RARS2: variants seen among roughly 807,000 people sequenced by gnomAD.
The protein encoded by RARS2 is arginyl-tRNA synthetase 2, mitochondrial, also known as probable arginine--tRNA ligase, mitochondrial.
In RARS2, 67 loss-of-function variants were observed where a neutral mutation model predicts 88.5. The observed-to-expected ratio is 0.76, with a 90% CI of 0.62 to 0.93. The LOEUF (loss-of-function observed/expected upper bound fraction) is 0.93. Ranked by LOEUF, RARS2 falls within the 40% of genes least tolerant of loss-of-function variation. The pLI, the probability that RARS2 is intolerant of heterozygous loss-of-function variation, is 0.00. For synonymous variants in RARS2, 239 were observed against 230.3 expected (o/e 1.04, Z -0.34); for missense variants, 664 against 684.2 (o/e 0.97, Z 0.33).
chr6:87,518,794 A>C (rs1344681625), intron 15 of RARS2, 30 bp downstream of exon 15: 1 of 1,612,300 alleles, frequency 6.2e-7, no homozygotes, highest in South Asian at 1.1e-5. Context: ...ACCAAACAAA[A>C]GGGCCTCACA....
At chr6:87,569,380 GTA>G in intron 2 of RARS2, 135 bp downstream of exon 2, 1 of 691,814 alleles carries the variant, frequency 1.4e-6, no homozygotes, top group Non-Finnish European at 2.6e-6. Context: ...AATAGGCTGA[GTA>G]TAATGAATCA....
chr6:87,551,013 A>G (rs1582602996), intron 5 of RARS2, among the ~76,000 whole-genome samples: 1 of 152,186 alleles, frequency 6.6e-6, no homozygotes, highest in East Asian at 1.9e-4. Flanking sequence ...AGGTATTTAT[A>G]ATGTCTGTTA....
intron 1 of RARS2, among the ~76,000 whole-genome samples, chr6:87,579,537 G>T (rs766498410): frequency 2.6e-5 from 4 of 152,008 alleles, no homozygotes; most frequent in Non-Finnish European, 5.9e-5. Context: ...CAAGTCTGCA[G>T]CTAGTGTTTA....
chr6:87,554,376 A>T (rs1387306371), intron 5 of RARS2, among the ~76,000 whole-genome samples: 1 of 150,068 alleles, frequency 6.7e-6, no homozygotes, highest in Non-Finnish European at 1.5e-5. Context: ...GGCACATCAA[A>T]ACTTCAAGCT....
At chr6:87,557,795 C>T (rs1284896981) in intron 4 of RARS2, among the ~76,000 whole-genome samples, 1 of 152,220 alleles carries the variant, frequency 6.6e-6, no homozygotes, top group East Asian at 1.9e-4. Context: ...CTTCCACCAT[C>T]TGCCCTTGAC....
In RARS2 at chr6:87,516,859, T is replaced by C; in HGVS notation, c.1533A>G (p.Lys511=). The change falls in exon 18 of 20, where the codon AAA becomes AAG. Residue 511 remains lysine, a synonymous_variant. Transcript: ENST00000369536. ...HLLRFDEVLY[K]SSQDFQPRHI... ...GCCTGGGTTGAAAGTCCTGAGATGATTTATAAAGCACCTCGTCGAACCTAA... is the reference window on the plus strand; with the variant it reads ...GCCTGGGTTGAAAGTCCTGAGATGACTTATAAAGCACCTCGTCGAACCTAA... The C allele has an allele frequency of 5.0e-6, 8 of 1,613,846 alleles. No individual in the cohort carries two copies. The highest frequency in any genetic ancestry group is 5.9e-6 in the Non-Finnish European group (7 of 1,179,852).
In RARS2 at chr6:87,551,602, C is replaced by T. The variant is rs138372737; in HGVS notation, c.396-2956G>A. On this transcript the variant is annotated intron_variant, in intron 5 of 19. Transcript: ENST00000369536. The stretch of plus-strand genomic sequence containing the variant: ...TCATGCCACTGCACTCCAGCCTGAG[C>T]GAGACAGCAAGACTCCGTCTCAACA... 5.2e-3 allele frequency among the ~76,000 whole-genome samples: 626 copies of T among 119,716 alleles called. 4 individuals are homozygous for T. Among genetic ancestry groups the T allele is most frequent in the Middle Eastern group, 0.015 (2 of 130 alleles). The allele number at this position is 119,716 out of a possible 152,430, so 78.5% of individuals were successfully genotyped here.
chr6:87,574,764 A>G (rs983350159), intron 1 of RARS2, among the ~76,000 whole-genome samples: 2 of 152,206 alleles, frequency 1.3e-5, no homozygotes, highest in South Asian at 4.1e-4. Flanking sequence ...ACTAAAAGAC[A>G]AGATGAAAAA....
chr6:87,524,603 T>G lies in RARS2; in HGVS notation c.928A>C (p.Ile310Leu). 1 of 1,613,740 alleles carries G rather than the reference T, an allele frequency of 6.2e-7. No individual in the cohort carries two copies. Among genetic ancestry groups the G allele is most frequent in the Non-Finnish European group, 8.5e-7 (1 of 1,179,722 alleles). The change falls in exon 11 of 20, where the codon ATT (isoleucine) becomes CTT (leucine). Residue 310 changes from isoleucine (I) to leucine (L), a missense_variant. Transcript: ENST00000369536. Reference sequence around the variant, plus strand: ...CCATCACTTCGCATTACAGTACAAATTGAGGAGGGGTCGCCATTCCCAGAG... The same window carrying G: ...CCATCACTTCGCATTACAGTACAAAGTGAGGAGGGGTCGCCATTCCCAGAG... ...DLSGNGDPSS[I>L]CTVMRSDGTS...
At chr6:87,576,097 G>GCCAACACAAATTTCAAGATAGACATTA (rs1554219362) in intron 1 of RARS2, among the ~76,000 whole-genome samples, 1 of 122,010 alleles carries the variant, frequency 8.2e-6, no homozygotes, top group Admixed American at 9.2e-5. Flanking sequence ...AATGCGCCCA[G>GCCAACACAAATTTCAAGATAGACATTA]CTGGATAAGT....
chr6:87,560,334 G>A (rs1362067978), intron 4 of RARS2, among the ~76,000 whole-genome samples: 1 of 152,134 alleles, frequency 6.6e-6, no homozygotes, highest in East Asian at 1.9e-4. Context: ...TATTTCTGAA[G>A]CATCCCTAAG....
At chr6:87,569,624 T>TA in intron 1 of RARS2, 34 bp from the exon 2 acceptor site, 1 of 1,506,188 alleles carries the variant, frequency 6.6e-7, no homozygotes, top group Non-Finnish European at 9.2e-7. Flanking sequence ...AGTGTAAGAT[T>TA]GTTCACATAT....
At chr6:87,551,579 A>G (rs1784342434) in intron 5 of RARS2, among the ~76,000 whole-genome samples, 1 of 139,636 alleles carries the variant, frequency 7.2e-6, no homozygotes, top group South Asian at 2.3e-4. Flanking sequence ...GCAATGAATC[A>G]TGCCACTGCA....
At chr6:87,589,108 G>C (rs1776150673) in intron 1 of RARS2, among the ~76,000 whole-genome samples, 1 of 152,206 alleles carries the variant, frequency 6.6e-6, no homozygotes, top group Non-Finnish European at 1.5e-5. Context: ...ACGTCCACTA[G>C]TACATCCATT....
chr6:87,564,530 A>G (rs575881288), intron 2 of RARS2: 7 of 386,868 alleles, frequency 1.8e-5, no homozygotes, highest in South Asian at 1.1e-4. Flanking sequence ...TTAGCCAGGC[A>G]TGGTGGTGTG....
chr6:87,579,324 A>T (rs1772647099), intron 1 of RARS2, among the ~76,000 whole-genome samples: 1 of 152,188 alleles, frequency 6.6e-6, no homozygotes, highest in South Asian at 2.1e-4. Flanking sequence ...GGGCAGAAGG[A>T]TGTAAAACAT....
intron 1 of RARS2, among the ~76,000 whole-genome samples, chr6:87,572,260 G>C (rs1426059172): frequency 6.6e-6 from 1 of 152,094 alleles, no homozygotes; most frequent in African/African-American, 2.4e-5. Context: ...TGATGACTAA[G>C]AAAAATATGT....
chr6:87,581,868 C>T (rs144205773), intron 1 of RARS2, among the ~76,000 whole-genome samples: 1 of 152,226 alleles, frequency 6.6e-6, no homozygotes, highest in East Asian at 1.9e-4. Flanking sequence ...TTTTTTGTTC[C>T]TGCATTAGTT....
intron 18 of RARS2, among the ~76,000 whole-genome samples, chr6:87,516,372 T>A (rs542403223): frequency 6.6e-6 from 1 of 152,224 alleles, no homozygotes; most frequent in Non-Finnish European, 1.5e-5. Flanking sequence ...GCTTCATTCA[T>A]CAGCCCTCCC....
Sources: allele counts gnomAD v4.1 joint callset (sites outside exome capture counted in the v4.1 genomes callset), GRCh38; gene constraint gnomAD v4.1.1; transcripts MANE v1.5; gene names NCBI Gene and HGNC (gene_info 2026-07-23, HGNC 2026-07-21).